CHSY1: variants seen among roughly 807,000 people sequenced by gnomAD.
The protein encoded by CHSY1 is N-acetylgalactosaminyl-proteoglycan 3-beta-glucuronosyltransferase 1.
A neutral mutation model predicts 59.8 loss-of-function variants in CHSY1; 13 were observed. That is an observed-to-expected ratio of 0.22 (90% CI 0.14 to 0.35). CHSY1 has a LOEUF of 0.35. CHSY1 is among the 10% of genes least tolerant of loss of function. The pLI, the probability that CHSY1 is intolerant of heterozygous loss-of-function variation, is 1.00. For missense variants in CHSY1, 947 were observed against 1,030.6 expected, an observed-to-expected ratio of 0.92 and a Z score of 1.11; for synonymous variants, 459 against 401.2, an observed-to-expected ratio of 1.14 and a Z score of -1.72.
chr15:101,193,539 C>T (rs949333980), intron 2 of CHSY1, among the ~76,000 whole-genome samples: 3 of 152,242 alleles, frequency 2.0e-5, no homozygotes, highest in African/African-American at 4.8e-5. Flanking sequence ...CGGGAGCAGG[C>T]GAACGCTCCT....
intron 1 of CHSY1, among the ~76,000 whole-genome samples, chr15:101,250,147 C>G (rs115126796): frequency 0.017 from 2,598 of 152,338 alleles, 69 homozygotes; most frequent in African/African-American, 0.059. Context: ...TGGCTCAGCA[C>G]TGGCTGCTCT....
intron 2 of CHSY1, among the ~76,000 whole-genome samples, chr15:101,182,289 G>A (rs1333384264): frequency 3.5e-4 from 54 of 152,126 alleles, no homozygotes; most frequent in Non-Finnish European, 1.6e-4. Context: ...GCAAGAGATC[G>A]CTTTTGACTG....
chr15:101,206,090 G>A (rs2038624136), intron 2 of CHSY1, among the ~76,000 whole-genome samples: 1 of 152,126 alleles, frequency 6.6e-6, no homozygotes, highest in African/African-American at 2.4e-5. Context: ...TTTGATTTTT[G>A]ATATATGCTT....
At chr15:101,240,289 G>A (rs2038989234) in intron 1 of CHSY1, among the ~76,000 whole-genome samples, 1 of 152,306 alleles carries the variant, frequency 6.6e-6, no homozygotes, top group East Asian at 1.9e-4. Flanking sequence ...TGAGGAGGAG[G>A]AGGGGATGCA....
At chr15:101,198,702 C>A (rs1342243208) in intron 2 of CHSY1, among the ~76,000 whole-genome samples, 1 of 152,212 alleles carries the variant, frequency 6.6e-6, no homozygotes, top group Non-Finnish European at 1.5e-5. Context: ...GAAACACTTA[C>A]ATCTGTAACT....
chr15:101,223,433 A>G (rs11856910), intron 2 of CHSY1, among the ~76,000 whole-genome samples: 47,750 of 152,222 alleles, frequency 0.31, 9,286 homozygotes, highest in African/African-American at 0.55. Context: ...GAAACAAAAG[A>G]TGCTTTAAAA....
intron 1 of CHSY1, among the ~76,000 whole-genome samples, chr15:101,244,714 T>C (rs1312472031): frequency 6.6e-6 from 1 of 152,254 alleles, no homozygotes; most frequent in East Asian, 1.9e-4. Flanking sequence ...CTGGCCATAC[T>C]GTTTTACAGT....
At chr15:101,214,642 G>A (rs1373180076) in intron 2 of CHSY1, among the ~76,000 whole-genome samples, 1 of 151,736 alleles carries the variant, frequency 6.6e-6, no homozygotes, top group African/African-American at 2.4e-5. Flanking sequence ...GGATCATGGA[G>A]GTGGATTTCT....
chr15:101,219,114 T>C (rs546519815), intron 2 of CHSY1, among the ~76,000 whole-genome samples: 6 of 152,314 alleles, frequency 3.9e-5, no homozygotes, highest in African/African-American at 1.4e-4. Flanking sequence ...AGCAGAGGCT[T>C]AGAAGAATGC....
Position 101,188,035 on chromosome 15 carries a change from A to G in CHSY1, c.817-9055T>C, listed in dbSNP as rs1351827094. 6.5e-5 allele frequency: 64 copies of G among 985,358 alleles called. No individual in the cohort carries two copies. The Admixed American group carries it at 3.9e-3, about 60-fold the overall frequency. 61.0% of individuals were successfully genotyped at this position (985,358 alleles called of 1,614,324 possible). On this transcript the variant is annotated intron_variant, in intron 2 of 2. Transcript: ENST00000254190. ...AGCAAATGTCCTTCTTGTCCGCTGC[A>G]AGGAGAGCCAACATTCTCATTAAGT...
chr15:101,241,380 C>T (rs768271113), intron 1 of CHSY1, among the ~76,000 whole-genome samples: 14 of 152,242 alleles, frequency 9.2e-5, no homozygotes, highest in Non-Finnish European at 1.8e-4. Context: ...GAAGCCATTG[C>T]GCCCGGCCAA....
rs745964416 is a variant in CHSY1 at position 101,178,684 on chromosome 15, C to G, written c.1113G>C (p.Glu371Asp). 3 of 1,614,250 alleles carry G rather than the reference C, an allele frequency of 1.9e-6. No homozygotes were observed. The South Asian group carries it at 3.3e-5, about 18-fold the overall frequency. Residue 371 changes from glutamate to aspartate, a missense_variant, in exon 3 of 3, where the codon GAG becomes GAC. Around this residue, in one of 4 missense-constraint regions of CHSY1, gnomAD observed 602 missense variants for 676.9 expected, o/e 0.89. Coordinates refer to ENST00000254190, the MANE Select transcript of CHSY1 (RefSeq NM_014918.5). The stretch of plus-strand genomic sequence containing the variant: ...TCAGAAACTCCCATTCCAGAATCTC[C>G]TCTCGCTGGCGGGGCTGAAACCTCA... ...SFMRFQPRQR[E>D]EILEWEFLTG...
chr15:101,225,430 T>G (rs770830654), intron 2 of CHSY1, among the ~76,000 whole-genome samples: 8 of 152,232 alleles, frequency 5.3e-5, no homozygotes, highest in Non-Finnish European at 1.2e-4. Context: ...TGATATAGTT[T>G]GGATACTTGT....
At chr15:101,240,691 C>T (rs1343521387) in intron 1 of CHSY1, among the ~76,000 whole-genome samples, 2 of 152,156 alleles carry the variant, frequency 1.3e-5, no homozygotes, top group African/African-American at 4.8e-5. Context: ...AGGACTTAAC[C>T]CATTTATGTC....
chr15:101,213,302 T>TAAAATCCAAAACA (rs753787133), intron 2 of CHSY1, among the ~76,000 whole-genome samples: 3 of 151,838 alleles, frequency 2.0e-5, no homozygotes, highest in East Asian at 2.0e-4. Flanking sequence ...TTGCATTTTT[T>TAAAATCCAAAACA]CTGGGAAGTG....
intron 2 of CHSY1, among the ~76,000 whole-genome samples, chr15:101,207,026 T>G (rs2038634055): frequency 6.6e-6 from 1 of 152,120 alleles, no homozygotes; most frequent in Admixed American, 6.5e-5. Flanking sequence ...TAGTTTAATT[T>G]AAAAGAAACA....
intron 2 of CHSY1, among the ~76,000 whole-genome samples, chr15:101,208,846 A>G (rs1216610905): frequency 6.6e-6 from 1 of 152,242 alleles, no homozygotes; most frequent in Non-Finnish European, 1.5e-5. Flanking sequence ...GGAATACAAG[A>G]GTGTATACTC....
At chr15:101,217,822 G>A (rs1243128455) in intron 2 of CHSY1, among the ~76,000 whole-genome samples, 1 of 152,162 alleles carries the variant, frequency 6.6e-6, no homozygotes, top group Non-Finnish European at 1.5e-5. Context: ...CAAGGAAGGA[G>A]AGTGTAACTC....
chr15:101,203,951 T>C (rs1167627240), intron 2 of CHSY1, among the ~76,000 whole-genome samples: 1 of 152,184 alleles, frequency 6.6e-6, no homozygotes, highest in East Asian at 1.9e-4. Context: ...ATGAAGGACA[T>C]TACTGGGACA....
Sources: gnomAD v4.1 joint callset for allele counts (sites outside exome capture counted in the v4.1 genomes callset) on GRCh38, gnomAD v4.1.1 for gene constraint, gnomAD v4.1.1 regional missense constraint, MANE v1.5 for transcripts, NCBI Gene and HGNC (gene_info 2026-07-23, HGNC 2026-07-21) for gene names.